The following DNTT variants were observed in gnomAD, a reference collection of about 807,000 sequenced individuals.
DNTT encodes the protein DNA nucleotidylexotransferase.
Under a neutral mutation model 60.9 loss-of-function variants are expected in DNTT, and 47 were observed. The observed-to-expected ratio is 0.77, with a 90% CI of 0.61 to 0.98. The LOEUF (loss-of-function observed/expected upper bound fraction) is 0.98, where lower values mean the gene tolerates loss of function less well. DNTT is among the 50% of genes least tolerant of loss of function. The pLI, the probability that DNTT is intolerant of heterozygous loss-of-function variation, is 0.00. For synonymous variants in DNTT, 224 were observed against 221.2 expected (o/e 1.01, Z -0.11); for missense variants, 665 against 627.5 (o/e 1.06, Z -0.64).
chr10:96,315,690 C>A (rs1226090404), intron 1 of DNTT, among the ~76,000 whole-genome samples: 1 of 151,466 alleles, frequency 6.6e-6, no homozygotes, highest in Non-Finnish European at 1.5e-5. Flanking sequence ...TACCCTTCTC[C>A]CTCTCAGGGT....
rs1469337841 is a variant in DNTT, at chr10:96,319,359, C to A, written c.476C>A (p.Thr159Asn). Residue 159 changes from threonine to asparagine, a missense_variant, in exon 3 of 11, where the codon ACC becomes AAC. Coordinates refer to ENST00000371174, the MANE Select transcript of DNTT (RefSeq NM_004088.4). ...KISQYACQRR[T>N]TLNNCNQIFT... ...TCCCAGTATGCGTGTCAGAGAAGAA[C>A]CACTTTAAACAACTGTAACCAGATA... 6.2e-7 allele frequency: 1 copy of A among 1,613,840 alleles called. No homozygotes were observed. Among genetic ancestry groups the A allele is most frequent in the East Asian group, 2.2e-5 (1 of 44,880 alleles).
chr10:96,311,532 T>A (rs1209495880), intron 1 of DNTT, among the ~76,000 whole-genome samples: 1 of 152,202 alleles, frequency 6.6e-6, no homozygotes, highest in African/African-American at 2.4e-5. Flanking sequence ...AGTCTGTGAG[T>A]TAATTCCATA....
At chr10:96,308,797 A>G (rs1844673072) in intron 1 of DNTT, among the ~76,000 whole-genome samples, 1 of 152,222 alleles carries the variant, frequency 6.6e-6, no homozygotes, top group South Asian at 2.1e-4. Context: ...AACAAAGTAC[A>G]TTCTTAAAGG....
At chr10:96,332,717 C>T (rs1845022394) in intron 9 of DNTT, 121 bp downstream of exon 9, 1 of 1,435,712 alleles carries the variant, frequency 7.0e-7, no homozygotes, top group South Asian at 1.4e-5. Flanking sequence ...GGGGCCAGTA[C>T]CCAGAAACCT....
rs1320023205 is a variant in DNTT, at chr10:96,304,597, G to C, written c.100G>C (p.Asp34His). The C allele has an allele frequency of 3.1e-6, 5 of 1,614,138 alleles. No homozygotes were observed. The highest frequency in any genetic ancestry group is 4.2e-6 in the Non-Finnish European group (5 of 1,180,010). The change falls in exon 1 of 11, where the codon GAT (aspartate) becomes CAT (histidine). Residue 34 changes from aspartate (D) to histidine (H), a missense_variant. Coordinates refer to ENST00000371174, the MANE Select transcript of DNTT (RefSeq NM_004088.4). ...CTCTCCTCAAGACATCAAATTTCAAGATTTGGTCGTCTTCATTTTGGAGAA... is the reference window on the plus strand; with the variant it reads ...CTCTCCTCAAGACATCAAATTTCAACATTTGGTCGTCTTCATTTTGGAGAA... Reference protein sequence around the residue: ...ASSPQDIKFQDLVVFILEKKM... With the variant: ...ASSPQDIKFQHLVVFILEKKM...
At chr10:96,320,917 A>C in intron 4 of DNTT, 129 bp downstream of exon 4, 1 of 1,091,666 alleles carries the variant, frequency 9.2e-7, no homozygotes, top group Non-Finnish European at 1.3e-6. Flanking sequence ...TCCTTTATAC[A>C]TATTCCTCTC....
Position 96,327,676 on chromosome 10 carries a change from C to T in DNTT, c.1007+76C>T, listed in dbSNP as rs369187405. 8.0e-5 allele frequency: 123 copies of T among 1,545,318 alleles called. 1 individual carries two copies. Among genetic ancestry groups the T allele is most frequent in the African/African-American group, 4.0e-4 (29 of 72,966 alleles). On this transcript the variant is annotated intron_variant, in intron 7 of 10. Transcript: ENST00000371174. Reference sequence around the variant, plus strand: ...CCCTGACTTGGACAGGCATCTGAAACGGCACAAAAGGCTGTGATCTGGTGC... The same window carrying T: ...CCCTGACTTGGACAGGCATCTGAAATGGCACAAAAGGCTGTGATCTGGTGC...
chr10:96,323,493 A>G (rs17111663), intron 5 of DNTT, among the ~76,000 whole-genome samples: 3 of 152,156 alleles, frequency 2.0e-5, no homozygotes, highest in Non-Finnish European at 2.9e-5. Flanking sequence ...GATTATTGCC[A>G]TGCTGTCGTG....
At position 96,304,541 on chromosome 10, in the gene DNTT, G is replaced by C. The variant is rs1395643688; in HGVS notation, c.44G>C (p.Arg15Thr). ...TCCCACTTGAGCCCTCGGAAGAAGA[G>C]ACCCCGGCAGACGGGTGCCTTGATG... ...RASHLSPRKKRPRQTGALMAS... is the reference protein window; with the variant it reads ...RASHLSPRKKTPRQTGALMAS... The change falls in exon 1 of 11, where the codon AGA becomes ACA. Residue 15 changes from arginine (R) to threonine (T), a missense_variant. Physicochemically the swap from Arg to Thr is moderately conservative, Grantham distance 71. Transcript: ENST00000371174. 6.2e-7 allele frequency: 1 copy of C among 1,614,110 alleles called. No individual in the cohort carries two copies. Among genetic ancestry groups the C allele is most frequent in the South Asian group, 1.1e-5 (1 of 91,078 alleles).
At chr10:96,335,468 T>C (rs1564875960) in intron 9 of DNTT, among the ~76,000 whole-genome samples, 1 of 152,230 alleles carries the variant, frequency 6.6e-6, no homozygotes, top group Non-Finnish European at 1.5e-5. Flanking sequence ...AAGTCCAGGC[T>C]GGAACGGGTT....
chr10:96,332,644 G>A (rs201396753), intron 9 of DNTT, 48 bp downstream of exon 9: 261 of 1,594,740 alleles, frequency 1.6e-4, no homozygotes, highest in Admixed American at 2.9e-4. Flanking sequence ...TCTGAAAGAC[G>A]TAGGCCGAGT....
chr10:96,337,463 G>A (rs77948073), intron 10 of DNTT, among the ~76,000 whole-genome samples: 2,008 of 152,336 alleles, frequency 0.013, 46 homozygotes, highest in African/African-American at 0.046. Flanking sequence ...GGAAAGCCTC[G>A]GATGCTAAGC....
chr10:96,330,895 C>A (rs1844999380), intron 8 of DNTT, among the ~76,000 whole-genome samples: 1 of 152,098 alleles, frequency 6.6e-6, no homozygotes, highest in Non-Finnish European at 1.5e-5. Context: ...AACATCTAAC[C>A]TAAAGAGTAC....
chr10:96,318,535 C>T lies in DNTT; in HGVS notation c.378+9C>T. The T allele has an allele frequency of 6.2e-7, 1 of 1,611,662 alleles. No homozygotes were observed. Among genetic ancestry groups the T allele is most frequent in the South Asian group, 1.1e-5 (1 of 90,628 alleles). ...GAAAACACCAGCTTGTTGTAAGTGTCATGGGTGTGATTTTCACTGTTCTTT... is the reference window on the plus strand; with the variant it reads ...GAAAACACCAGCTTGTTGTAAGTGTTATGGGTGTGATTTTCACTGTTCTTT... On this transcript the variant is annotated intron_variant, in intron 2 of 10. Coordinates refer to ENST00000371174, the MANE Select transcript of DNTT (RefSeq NM_004088.4).
At chr10:96,320,823 T>G in intron 4 of DNTT, 35 bp downstream of exon 4, 1 of 1,610,026 alleles carries the variant, frequency 6.2e-7, no homozygotes, top group Non-Finnish European at 8.5e-7. Context: ...CACTTCCCAA[T>G]AGGTAGGTGG....
intron 4 of DNTT, among the ~76,000 whole-genome samples, chr10:96,321,149 TG>T (rs1301763232): frequency 6.6e-6 from 1 of 152,000 alleles, no homozygotes; most frequent in Non-Finnish European, 1.5e-5. Flanking sequence ...AGAATTCGAC[TG>T]GGGGGCATAA....
rs760232780 is a variant in DNTT, at chr10:96,320,784, T to C, written c.674T>C (p.Ile225Thr). ...PCLGSKVKGI[I>T]EEIIEDGESS... ...CTGGGGTCCAAGGTGAAGGGTATCA[T>C]AGAGGTAAGGGTGAAATGGGATTTG... The change falls in exon 4 of 11, where the codon ATA (isoleucine) becomes ACA (threonine). Residue 225 changes from isoleucine (I) to threonine (T), a missense_variant. Physicochemically the swap from Ile to Thr is moderately conservative, Grantham distance 89. Coordinates refer to ENST00000371174, the MANE Select transcript of DNTT (RefSeq NM_004088.4). The C allele has an allele frequency of 1.8e-5, 29 of 1,613,416 alleles. No individual in the cohort carries two copies. Among genetic ancestry groups the C allele is most frequent in the Non-Finnish European group, 2.3e-5 (27 of 1,179,642 alleles).
chr10:96,326,942 A>G (rs1844944304), intron 6 of DNTT, among the ~76,000 whole-genome samples: 2 of 152,224 alleles, frequency 1.3e-5, no homozygotes, highest in South Asian at 2.1e-4. Flanking sequence ...GCTTTTCATC[A>G]TAACAACTCT....
chr10:96,336,158 C>T (rs1845066648), intron 10 of DNTT, among the ~76,000 whole-genome samples, 184 bp downstream of exon 10: 1 of 152,186 alleles, frequency 6.6e-6, no homozygotes, highest in Non-Finnish European at 1.5e-5. Flanking sequence ...TTCCACCCGG[C>T]CCAGAATGCA....
Sources: gnomAD v4.1 joint callset for allele counts (sites outside exome capture counted in the v4.1 genomes callset) on GRCh38, gnomAD v4.1.1 for gene constraint, MANE v1.5 for transcripts, NCBI Gene and HGNC (gene_info 2026-07-23, HGNC 2026-07-21) for gene names.